RASA2: variants seen among roughly 807,000 people sequenced by gnomAD.
The protein encoded by RASA2 is ras GTPase-activating protein 2.
In RASA2, 155 loss-of-function variants were observed where a neutral mutation model predicts 118.2. The observed-to-expected ratio is 1.31, with a 90% CI of 1.15 to 1.50. The LOEUF is 1.50. Among genes scored for constraint, RASA2 ranks in the 40% most tolerant of loss-of-function variants. RASA2 has a pLI of 0.00. For missense variants in RASA2, 1,016 were observed against 1,009.6 expected, an observed-to-expected ratio of 1.01 and a Z score of -0.09; for synonymous variants, 353 against 349.1, an observed-to-expected ratio of 1.01 and a Z score of -0.12.
At chr3:141,536,710 A>C (rs1231082703) in intron 4 of RASA2, among the ~76,000 whole-genome samples, 3 of 152,066 alleles carry the variant, frequency 2.0e-5, no homozygotes, top group Admixed American at 1.3e-4. Context: ...ATGCAGTTGT[A>C]GACCAAATCA....
chr3:141,611,230 G>A (rs533503065), intron 23 of RASA2, among the ~76,000 whole-genome samples: 1 of 152,298 alleles, frequency 6.6e-6, no homozygotes, highest in East Asian at 1.9e-4. Flanking sequence ...CTGCCACTCA[G>A]CCAACCTCAA....
intron 4 of RASA2, among the ~76,000 whole-genome samples, chr3:141,535,094 G>A (rs2082308863): frequency 6.6e-6 from 1 of 152,086 alleles, no homozygotes; most frequent in Non-Finnish European, 1.5e-5. Flanking sequence ...CCTGTGTCAA[G>A]CAAATCTATC....
chr3:141,546,031 G>A (rs1052554700), intron 5 of RASA2, among the ~76,000 whole-genome samples: 1 of 152,084 alleles, frequency 6.6e-6, no homozygotes. Flanking sequence ...TGAATGACAG[G>A]ACCTGATTCT....
At chr3:141,554,715 C>T (rs987138040) in intron 6 of RASA2, among the ~76,000 whole-genome samples, 4 of 152,138 alleles carry the variant, frequency 2.6e-5, no homozygotes, top group African/African-American at 9.7e-5. Flanking sequence ...ACTACTAAGT[C>T]ACTTTGAAAA....
chr3:141,506,477 C>T (rs1313033617), intron 1 of RASA2, among the ~76,000 whole-genome samples: 3 of 152,160 alleles, frequency 2.0e-5, no homozygotes, highest in Non-Finnish European at 2.9e-5. Flanking sequence ...AGCTGGCTTG[C>T]TTGTGTCATA....
chr3:141,570,797 C>A, intron 9 of RASA2, 115 bp from the exon 10 acceptor site: 1 of 930,882 alleles, frequency 1.1e-6, no homozygotes, highest in Non-Finnish European at 1.6e-6. Context: ...AGCTTCCTAA[C>A]TGTAAATACT....
chr3:141,572,421 A>G (rs2082938805), intron 11 of RASA2, among the ~76,000 whole-genome samples, 188 bp from the exon 12 acceptor site: 1 of 152,150 alleles, frequency 6.6e-6, no homozygotes, highest in Non-Finnish European at 1.5e-5. Flanking sequence ...GGTAAGTTTG[A>G]AAAACCTAAT....
At chr3:141,520,072 G>C (rs1239780710) in intron 3 of RASA2, among the ~76,000 whole-genome samples, 1 of 135,686 alleles carries the variant, frequency 7.4e-6, no homozygotes, top group African/African-American at 2.8e-5. Flanking sequence ...GGAGTGCAGT[G>C]ACATGATCTC....
At position 141,586,098 on chromosome 3, in the gene RASA2, G is replaced by A. The variant is rs777185330; in HGVS notation, c.1826G>A (p.Gly609Asp). The change falls in exon 18 of 24, where the codon GGT becomes GAT. Residue 609 changes from glycine (G) to aspartate (D), a missense_variant and splice_region_variant. Physicochemically the swap from Gly to Asp is moderately conservative, Grantham distance 94. This residue lies in a region of RASA2 where 896 missense variants were observed against 836.4 expected (regional missense o/e 1.07). Transcript: ENST00000286364. Reference sequence around the variant, plus strand: ...AGTGAGCCTGTGCACCTGAAAGAAGGGTAATTTAATCAAATTAGACGTGAA... The same window carrying A: ...AGTGAGCCTGTGCACCTGAAAGAAGAGTAATTTAATCAAATTAGACGTGAA... ...GTSEPVHLKEGEMYKRAQGRT... is the reference protein window; with the variant it reads ...GTSEPVHLKEDEMYKRAQGRT... The A allele has an allele frequency of 1.9e-6, 3 of 1,596,366 alleles. No homozygotes were observed.
In RASA2 at chr3:141,540,681, C is replaced by T. The variant is rs140035869; in HGVS notation, c.527+72C>T. The T allele has an allele frequency of 9.3e-5, 122 of 1,318,374 alleles. 1 individual carries two copies. In the East Asian group the frequency reaches 2.9e-3, roughly 31 times the overall value. The allele number at this position is 1,318,374 out of a possible 1,614,324, so 81.7% of individuals were successfully genotyped here. On this transcript the variant is annotated intron_variant, in intron 5 of 23. Coordinates refer to ENST00000286364, the MANE Select transcript of RASA2 (RefSeq NM_006506.5). ...TTGTATTCTTTCGATTTTAAGCCAA[C>T]TCCTTGTTTTAACTTCAGAAACTTT...
chr3:141,584,206 C>T (rs952740371), intron 17 of RASA2, among the ~76,000 whole-genome samples: 11 of 151,630 alleles, frequency 7.3e-5, no homozygotes, highest in Non-Finnish European at 1.3e-4. Context: ...TGGCAGGCGC[C>T]GGTAGTCCCA....
At chr3:141,610,475 A>G (rs1487790888) in intron 23 of RASA2, among the ~76,000 whole-genome samples, 3 of 112,662 alleles carry the variant, frequency 2.7e-5, no homozygotes, top group South Asian at 2.5e-4. Flanking sequence ...TATTATATAT[A>G]TAAATATATA....
At chr3:141,563,703 T>G (rs2082772329) in intron 9 of RASA2, among the ~76,000 whole-genome samples, 1 of 152,208 alleles carries the variant, frequency 6.6e-6, no homozygotes, top group Non-Finnish European at 1.5e-5. Flanking sequence ...CAGAGAAATT[T>G]AGCAACTTGT....
intron 19 of RASA2, among the ~76,000 whole-genome samples, chr3:141,592,270 T>A (rs376065569): frequency 2.0e-5 from 3 of 151,946 alleles, no homozygotes; most frequent in Admixed American, 6.6e-5. Context: ...ATGTGGATAT[T>A]TGGGATAAAA....
At chr3:141,562,850 T>A (rs977142426) in intron 9 of RASA2, among the ~76,000 whole-genome samples, 1 of 151,890 alleles carries the variant, frequency 6.6e-6, no homozygotes, top group African/African-American at 2.4e-5. Flanking sequence ...TTTTTGTATT[T>A]TTAGTAGAGA....
At chr3:141,612,057 G>A (rs913254108) in intron 23 of RASA2, among the ~76,000 whole-genome samples, 2 of 152,076 alleles carry the variant, frequency 1.3e-5, no homozygotes, top group African/African-American at 4.8e-5. Context: ...TTCCATGATG[G>A]CAAGGGTTTT....
At chr3:141,601,334 C>T (rs938536009) in intron 19 of RASA2, among the ~76,000 whole-genome samples, 8 of 151,908 alleles carry the variant, frequency 5.3e-5, no homozygotes, top group African/African-American at 1.7e-4. Flanking sequence ...AGCTGAGGTC[C>T]GAGAATCACT....
chr3:141,526,688 T>C (rs1175076990), intron 3 of RASA2, among the ~76,000 whole-genome samples: 1 of 152,214 alleles, frequency 6.6e-6, no homozygotes, highest in African/African-American at 2.4e-5. Flanking sequence ...ACTGGCCTCA[T>C]GCAACTAGAT....
chr3:141,564,016 T>G (rs971736639), intron 9 of RASA2, among the ~76,000 whole-genome samples: 2 of 151,822 alleles, frequency 1.3e-5, no homozygotes, highest in African/African-American at 4.8e-5. Flanking sequence ...ATTTTGTCTA[T>G]GGGGATTTCT....
Sources: gnomAD v4.1 joint callset for allele counts (sites outside exome capture counted in the v4.1 genomes callset) on GRCh38, gnomAD v4.1.1 for gene constraint, gnomAD v4.1.1 regional missense constraint, MANE v1.5 for transcripts, NCBI Gene and HGNC (gene_info 2026-07-23, HGNC 2026-07-21) for gene names.